Variants in C11orf65 observed in about 807,000 individuals in gnomAD.
The protein encoded by C11orf65 is chromosome 11 open reading frame 65, also known as protein MFI.
C11orf65 carries 38 observed loss-of-function variants against 35.3 expected under a neutral mutation model. That is an observed-to-expected ratio of 1.08 (90% CI 0.83 to 1.41). The LOEUF is 1.41. Among genes scored for constraint, C11orf65 ranks in the 40% most tolerant of loss-of-function variants. The pLI is 0.00. For synonymous variants in C11orf65, 105 were observed against 114.4 expected, an observed-to-expected ratio of 0.92 and a Z score of 0.53; for missense variants, 370 against 367.1, an observed-to-expected ratio of 1.01 and a Z score of -0.06.
In C11orf65 at chr11:108,461,166, C is replaced by T. The variant is rs1227069837; in HGVS notation, c.81+313G>A. ...CCTGTAATCCCAGCACTTTGGGAGG[C>T]CAAGGAGGGTGGATCACCTGAAGTC... On this transcript the variant is annotated intron_variant, in intron 2 of 8. Coordinates refer to ENST00000393084, the MANE Select transcript of C11orf65 (RefSeq NM_152587.5). 2.0e-5 allele frequency among the ~76,000 whole-genome samples: 3 copies of T among 152,104 alleles called. No individual in the cohort carries two copies. In the South Asian group the frequency reaches 6.2e-4, roughly 31 times the overall value.
chr11:108,334,032 G>T, intron 3 of C11orf65: 2 of 1,301,452 alleles, frequency 1.5e-6, no homozygotes, highest in South Asian at 1.2e-5. Flanking sequence ...TGAACCATTT[G>T]AAATAGTATT....
At chr11:108,441,660 C>T (rs1319237046) in intron 2 of C11orf65, among the ~76,000 whole-genome samples, 1 of 152,248 alleles carries the variant, frequency 6.6e-6, no homozygotes, top group African/African-American at 2.4e-5. Flanking sequence ...AATTGCCATT[C>T]TGCAATATTT....
At chr11:108,390,118 G>A (rs973455629) in intron 7 of C11orf65, among the ~76,000 whole-genome samples, 37 of 152,114 alleles carry the variant, frequency 2.4e-4, no homozygotes, top group East Asian at 9.6e-4. Context: ...CCACCTCCTG[G>A]GTTCACGCCA....
At chr11:108,393,420 A>G in intron 6 of C11orf65, 42 bp from the exon 7 acceptor site, 2 of 1,549,452 alleles carry the variant, frequency 1.3e-6, no homozygotes, top group Non-Finnish European at 1.8e-6. Flanking sequence ...CTTTTGAAAT[A>G]GGAGATTACA....
chr11:108,432,459 A>G (rs921615086), intron 2 of C11orf65, among the ~76,000 whole-genome samples: 2 of 152,214 alleles, frequency 1.3e-5, no homozygotes, highest in South Asian at 4.1e-4. Context: ...TAATGGTAAC[A>G]ACGACTAATA....
At position 108,316,916 on chromosome 11, in the gene C11orf65, A is replaced by T. The variant is rs140015397; in HGVS notation, c.641-7845T>A. ...ACTCCAGCCTGGGCAATAGAGCGAG[A>T]CTCCATCTCAAAAATAAATAAATAA... On this transcript the variant is annotated intron_variant, in intron 6 of 6. Coordinates refer to the C11orf65 transcript ENST00000525729. Among the ~76,000 whole-genome samples the T allele has an allele frequency of 6.0e-3, 917 of 151,852 alleles. 6 individuals are homozygous for T. Among genetic ancestry groups the T allele is most frequent in the East Asian group, 0.011 (54 of 5,138 alleles).
intron 1 of C11orf65, among the ~76,000 whole-genome samples, chr11:108,466,136 G>GT (rs2093534776): frequency 6.6e-6 from 1 of 152,180 alleles, no homozygotes; most frequent in Admixed American, 6.5e-5. Context: ...TTGAGTAGGT[G>GT]TAAGAGGACA....
intron 2 of C11orf65, chr11:108,345,648 G>T: frequency 4.9e-6 from 5 of 1,014,442 alleles, no homozygotes; most frequent in Admixed American, 2.7e-5. Context: ...CATCTTTATT[G>T]CCCCTATATC....
rs79692936 is a variant in C11orf65, at chr11:108,461,912, C to T, written c.-9-344G>A. On this transcript the variant is annotated intron_variant, in intron 1 of 8. Coordinates refer to ENST00000393084, the MANE Select transcript of C11orf65 (RefSeq NM_152587.5). ...CTGGGATTGTAAGCGTGAGCCACCGCGCCCAGCCTAAAATTATTTTATATG... is the reference window on the plus strand; with the variant it reads ...CTGGGATTGTAAGCGTGAGCCACCGTGCCCAGCCTAAAATTATTTTATATG... 8.8e-3 allele frequency among the ~76,000 whole-genome samples: 1,331 copies of T among 152,002 alleles called. 18 individuals are homozygous for T. The highest frequency in any genetic ancestry group is 0.027 in the African/African-American group (1,130 of 41,410).
intron 2 of C11orf65, among the ~76,000 whole-genome samples, chr11:108,435,255 T>C (rs898423380): frequency 2.6e-5 from 4 of 151,986 alleles, no homozygotes; most frequent in South Asian, 2.1e-4. Flanking sequence ...CCAAAGTACA[T>C]ACCAATGTTA....
intron 6 of C11orf65, 52 bp downstream of exon 6, chr11:108,405,377 T>A: frequency 6.3e-7 from 1 of 1,581,510 alleles, no homozygotes; most frequent in Non-Finnish European, 8.6e-7. Context: ...TTCAAATTTG[T>A]TTTTTTCCCA....
At chr11:108,361,158 C>G (rs2090698918) in intron 2 of C11orf65, among the ~76,000 whole-genome samples, 3 of 129,344 alleles carry the variant, frequency 2.3e-5, no homozygotes. Flanking sequence ...CAACAACAGA[C>G]AAACAGAGAG....
intron 6 of C11orf65, among the ~76,000 whole-genome samples, chr11:108,316,436 T>C (rs2084657719): frequency 6.6e-6 from 1 of 152,196 alleles, no homozygotes; most frequent in Non-Finnish European, 1.5e-5. Flanking sequence ...GTGTACTTAC[T>C]GCTTCACATG....
downstream of C11orf65, among the ~76,000 whole-genome samples, chr11:108,379,124 T>C (rs1049460660): frequency 3.3e-5 from 5 of 152,100 alleles, no homozygotes; most frequent in Non-Finnish European, 5.9e-5. Flanking sequence ...ATCCCATTAC[T>C]GGGTATATAC....
At chr11:108,428,583 T>A (rs1386387317) in intron 3 of C11orf65, among the ~76,000 whole-genome samples, 1 of 152,112 alleles carries the variant, frequency 6.6e-6, no homozygotes, top group Non-Finnish European at 1.5e-5. Flanking sequence ...ACACCGCACA[T>A]TCTCACTCAT....
downstream of C11orf65, chr11:108,328,971 T>A (rs762458404): frequency 6.6e-7 from 1 of 1,514,206 alleles, no homozygotes; most frequent in Admixed American, 1.7e-5. Context: ...ATTCTTTAGA[T>A]GTATTTAGTA....
chr11:108,312,995 C>A (rs1353516342), intron 6 of C11orf65, among the ~76,000 whole-genome samples: 1 of 152,168 alleles, frequency 6.6e-6, no homozygotes, highest in Non-Finnish European at 1.5e-5. Context: ...GCTTAAACCT[C>A]TCATCTTCTC....
chr11:108,403,923 A>G (rs2092489631), intron 6 of C11orf65, among the ~76,000 whole-genome samples: 1 of 152,198 alleles, frequency 6.6e-6, no homozygotes, highest in Non-Finnish European at 1.5e-5. Context: ...GGAATGAGTC[A>G]TCTTGCTCAC....
At chr11:108,391,424 G>C (rs2092157967) in intron 7 of C11orf65, among the ~76,000 whole-genome samples, 1 of 152,052 alleles carries the variant, frequency 6.6e-6, no homozygotes, top group East Asian at 1.9e-4. Context: ...TCGTTGCCCA[G>C]GCTGGAGTGC....
Sources: allele counts gnomAD v4.1 joint callset (sites outside exome capture counted in the v4.1 genomes callset), GRCh38; gene constraint gnomAD v4.1.1; transcripts MANE v1.5; gene names NCBI Gene and HGNC (gene_info 2026-07-23, HGNC 2026-07-21).